TMEM132B: variants seen among roughly 807,000 people sequenced by gnomAD.
The protein encoded by TMEM132B is transmembrane protein 132B.
Under a neutral mutation model 90.8 loss-of-function variants are expected in TMEM132B, and 18 were observed. The ratio of observed to expected loss-of-function variants is 0.20; its 90% confidence interval spans 0.14 to 0.29. TMEM132B has a LOEUF of 0.29. Ranked by LOEUF, TMEM132B falls within the 10% of genes least tolerant of loss-of-function variation. The pLI is 1.00. For missense variants in TMEM132B, 1,096 were observed against 1,326.8 expected, an observed-to-expected ratio of 0.83 and a Z score of 2.70; for synonymous variants, 504 against 523.3, an observed-to-expected ratio of 0.96 and a Z score of 0.50.
chr12:125,299,146 C>A (rs1875748359), intron 1 of TMEM132B, among the ~76,000 whole-genome samples: 1 of 152,204 alleles, frequency 6.6e-6, no homozygotes, highest in Non-Finnish European at 1.5e-5. Context: ...CACCCTGGCG[C>A]TCTGCTGCCA....
In TMEM132B at chr12:125,518,632, C is replaced by T. The variant is rs1883226579; in HGVS notation, c.1107-807C>T. On this transcript the variant is annotated intron_variant, in intron 3 of 8. Transcript: ENST00000682704. ...ACTTCCCTGTCAATGCGATAGCCTGCAATTTACAAGTCCATGTCAATGACA... is the reference window on the plus strand; with the variant it reads ...ACTTCCCTGTCAATGCGATAGCCTGTAATTTACAAGTCCATGTCAATGACA... Among the ~76,000 whole-genome samples the T allele has an allele frequency of 4.6e-5, 7 of 152,346 alleles. No individual in the cohort carries two copies. The South Asian group carries it at 1.5e-3, about 32-fold the overall frequency.
At chr12:125,215,500 C>T (rs1873412899) in intron 1 of TMEM132B, among the ~76,000 whole-genome samples, 1 of 152,190 alleles carries the variant, frequency 6.6e-6, no homozygotes, top group Non-Finnish European at 1.5e-5. Context: ...ACCTCTGCTT[C>T]CACCCTTGCA....
intron 3 of TMEM132B, among the ~76,000 whole-genome samples, chr12:125,451,916 C>T (rs980648298): frequency 2.0e-4 from 30 of 152,206 alleles, no homozygotes; most frequent in Admixed American, 1.9e-3. Context: ...CTGATTCACT[C>T]TTATTCCCAT....
At chr12:125,302,986 A>C (rs1319022982) in intron 1 of TMEM132B, among the ~76,000 whole-genome samples, 1 of 152,022 alleles carries the variant, frequency 6.6e-6, no homozygotes, top group African/African-American at 2.4e-5. Flanking sequence ...AATCCCAGCT[A>C]CTCAGGAGGC....
At chr12:125,623,969 G>A (rs115406007) in intron 5 of TMEM132B, among the ~76,000 whole-genome samples, 113 of 152,320 alleles carry the variant, frequency 7.4e-4, no homozygotes, top group African/African-American at 2.6e-3. Flanking sequence ...AAGATTCTAC[G>A]ATGGAAGTGT....
intron 3 of TMEM132B, among the ~76,000 whole-genome samples, chr12:125,501,576 G>C (rs1240659910): frequency 6.6e-6 from 1 of 151,544 alleles, no homozygotes; most frequent in Non-Finnish European, 1.5e-5. Flanking sequence ...TCCCCTCCCT[G>C]TGCCCATGTG....
At chr12:125,268,172 A>G (rs1565987702) in intron 1 of TMEM132B, among the ~76,000 whole-genome samples, 1 of 152,276 alleles carries the variant, frequency 6.6e-6, no homozygotes, top group East Asian at 1.9e-4. Context: ...TCAGGGATCT[A>G]TCAACTTCAT....
chr12:125,326,947 C>T (rs763136564), intron 1 of TMEM132B, among the ~76,000 whole-genome samples: 2 of 152,094 alleles, frequency 1.3e-5, no homozygotes, highest in Non-Finnish European at 2.9e-5. Context: ...CTCAGAGGCA[C>T]AGGGTCTCCC....
chr12:125,633,357 C>G (rs1274109654), intron 5 of TMEM132B, among the ~76,000 whole-genome samples: 1 of 152,228 alleles, frequency 6.6e-6, no homozygotes, highest in Non-Finnish European at 1.5e-5. Flanking sequence ...TGAGTTTCCT[C>G]AAGACAGCTA....
At chr12:125,425,646 T>C (rs1361524386) in intron 3 of TMEM132B, among the ~76,000 whole-genome samples, 2 of 152,228 alleles carry the variant, frequency 1.3e-5, no homozygotes, top group Admixed American at 6.5e-5. Flanking sequence ...CTGATCTTTT[T>C]ACTGTCCCCA....
intron 2 of TMEM132B, among the ~76,000 whole-genome samples, chr12:125,364,751 A>G (rs1323209321): frequency 3.9e-5 from 6 of 152,020 alleles, no homozygotes; most frequent in African/African-American, 9.7e-5. Flanking sequence ...TTAGTATTTT[A>G]TATTTTAATA....
At chr12:125,623,533 G>T (rs78064152) in intron 5 of TMEM132B, among the ~76,000 whole-genome samples, 302 of 152,176 alleles carry the variant, frequency 2.0e-3, no homozygotes, top group Middle Eastern at 6.8e-3. Flanking sequence ...ATAAGGTCAG[G>T]TTATGGGGGT....
intron 3 of TMEM132B, among the ~76,000 whole-genome samples, chr12:125,515,477 ATT>A (rs1491323114): frequency 9.7e-5 from 11 of 113,946 alleles, no homozygotes; most frequent in Non-Finnish European, 1.6e-4. Context: ...ACATTCACAC[ATT>A]GTCACACTCA....
At chr12:125,313,078 C>T (rs1876160328) in intron 1 of TMEM132B, among the ~76,000 whole-genome samples, 1 of 152,120 alleles carries the variant, frequency 6.6e-6, no homozygotes, top group South Asian at 2.1e-4. Context: ...GGTTTGAATC[C>T]TGGCTTGGCT....
At chr12:125,279,350 C>T (rs908582451) in intron 1 of TMEM132B, among the ~76,000 whole-genome samples, 4 of 152,320 alleles carry the variant, frequency 2.6e-5, no homozygotes, top group African/African-American at 9.6e-5. Context: ...GGGAGCTTGG[C>T]ACTTGGACTA....
At chr12:125,534,745 A>G (rs1883751746) in intron 4 of TMEM132B, among the ~76,000 whole-genome samples, 1 of 151,704 alleles carries the variant, frequency 6.6e-6, no homozygotes, top group South Asian at 2.1e-4. Flanking sequence ...CACTACTACC[A>G]TTATAGTTAC....
chr12:125,637,228 A>C (rs1886506948), intron 5 of TMEM132B, among the ~76,000 whole-genome samples: 1 of 152,230 alleles, frequency 6.6e-6, no homozygotes, highest in Non-Finnish European at 1.5e-5. Flanking sequence ...TTTTTATCAG[A>C]GAATAATCCA....
chr12:125,503,027 G>A (rs1335361596), intron 3 of TMEM132B, among the ~76,000 whole-genome samples: 2 of 152,196 alleles, frequency 1.3e-5, no homozygotes, highest in African/African-American at 2.4e-5. Context: ...GAGTTCAGCA[G>A]GTGCGGTCCC....
chr12:125,465,797 A>G (rs1881547708), intron 3 of TMEM132B, among the ~76,000 whole-genome samples: 1 of 152,170 alleles, frequency 6.6e-6, no homozygotes, highest in African/African-American at 2.4e-5. Context: ...TTTATAAACA[A>G]TTCTTTATCT....
Sources: allele counts gnomAD v4.1 joint callset (sites outside exome capture counted in the v4.1 genomes callset), GRCh38; gene constraint gnomAD v4.1.1; transcripts MANE v1.5; gene names NCBI Gene and HGNC (gene_info 2026-07-23, HGNC 2026-07-21).